SRL: variants seen among roughly 807,000 people sequenced by gnomAD.
The protein encoded by SRL is sarcalumenin.
In SRL, 23 loss-of-function variants were observed where a neutral mutation model predicts 39.5. The ratio of observed to expected loss-of-function variants is 0.58; its 90% CI spans 0.42 to 0.82. SRL has a LOEUF of 0.82. Ranked by LOEUF, SRL falls within the 40% of genes least tolerant of loss-of-function variation. The pLI is 0.00. For synonymous variants in SRL, 272 were observed against 237.4 expected (o/e 1.15, Z -1.34); for missense variants, 592 against 607.8 (o/e 0.97, Z 0.27).
At chr16:4,221,327 G>A (rs528124138) in intron 1 of SRL, among the ~76,000 whole-genome samples, 3 of 152,292 alleles carry the variant, frequency 2.0e-5, no homozygotes, top group South Asian at 4.1e-4. Flanking sequence ...GATTACAGAC[G>A]TGAGCCACTG....
rs551289684 is a variant in SRL, at chr16:4,227,642, G to A, written c.61+14365C>T. ...GTGGTGGCAAAATGGAAGACCTTCC[G>A]TCAACCCCACTTGCGTTCCAAGAGA... On this transcript the variant is annotated intron_variant, in intron 1 of 5. Transcript: ENST00000399609. Among the ~76,000 whole-genome samples, 40 of 152,264 alleles carry A rather than the reference G, an allele frequency of 2.6e-4. No homozygotes were observed. In the East Asian group the frequency reaches 6.4e-3, roughly 24 times the overall value.
chr16:4,216,390 G>GA (rs2052459919), intron 1 of SRL, among the ~76,000 whole-genome samples: 1 of 151,980 alleles, frequency 6.6e-6, no homozygotes, highest in African/African-American at 2.4e-5. Flanking sequence ...TCCTGCCTCA[G>GA]CCTCCTGAGT....
At chr16:4,208,394 G>C (rs889806) in intron 1 of SRL, among the ~76,000 whole-genome samples, 84,480 of 151,872 alleles carry the variant, frequency 0.56, 24,536 homozygotes, top group African/African-American at 0.71. Context: ...AACCGCCCCC[G>C]CACCGCGACC....
intron 1 of SRL, among the ~76,000 whole-genome samples, chr16:4,204,971 G>T (rs1229171800): frequency 1.3e-5 from 2 of 152,180 alleles, no homozygotes; most frequent in African/African-American, 4.8e-5. Flanking sequence ...GCCCAAAACA[G>T]GCACAACTCC....
At chr16:4,214,627 G>A (rs1191311383) in intron 1 of SRL, among the ~76,000 whole-genome samples, 3 of 152,158 alleles carry the variant, frequency 2.0e-5, no homozygotes, top group Non-Finnish European at 4.4e-5. Flanking sequence ...CAGGCAGCCT[G>A]CCCCCTTCCT....
At chr16:4,193,030 C>G (rs2052089990) in intron 5 of SRL, 66 bp from the exon 6 acceptor site, 1 of 1,365,078 alleles carries the variant, frequency 7.3e-7, no homozygotes, top group African/African-American at 1.4e-5. Flanking sequence ...CACCTCCTTT[C>G]AGAACTAAAC....
chr16:4,229,304 C>T (rs957897335), intron 1 of SRL, among the ~76,000 whole-genome samples: 5 of 151,896 alleles, frequency 3.3e-5, no homozygotes, highest in Non-Finnish European at 5.9e-5. Flanking sequence ...ATTAGCCAAG[C>T]GTGGTGGTGG....
At chr16:4,225,043 A>T (rs2040463344) in intron 1 of SRL, among the ~76,000 whole-genome samples, 3 of 152,194 alleles carry the variant, frequency 2.0e-5, no homozygotes, top group Admixed American at 2.0e-4. Context: ...AGAATAAGCA[A>T]ATCCATAGAC....
chr16:4,203,403 G>T, intron 2 of SRL, 142 bp from the exon 3 acceptor site: 1 of 646,922 alleles, frequency 1.5e-6, no homozygotes, highest in Non-Finnish European at 2.7e-6. Context: ...CAGCGACTGT[G>T]CAATGTATTT....
intron 1 of SRL, among the ~76,000 whole-genome samples, chr16:4,239,025 C>T (rs2052744170): frequency 6.6e-6 from 1 of 152,112 alleles, no homozygotes; most frequent in Non-Finnish European, 1.5e-5. Flanking sequence ...CCCGGCTGCA[C>T]CAAATGAGGA....
chr16:4,231,380 G>A (rs1017154497), intron 1 of SRL, among the ~76,000 whole-genome samples: 10 of 152,172 alleles, frequency 6.6e-5, no homozygotes, highest in Non-Finnish European at 1.5e-4. Context: ...GTGGTCCCAG[G>A]AAGATCAAAT....
intron 1 of SRL, chr16:4,206,582 G>A: frequency 2.4e-6 from 1 of 414,928 alleles, no homozygotes; most frequent in South Asian, 1.8e-5. Flanking sequence ...TGCACAGCCT[G>A]AAGCCACCTC....
Position 4,191,926 on chromosome 16 carries a change from C to G in SRL, c.*227G>C, listed in dbSNP as rs959155676. 2.1e-6 allele frequency: 1 copy of G among 475,636 alleles called. No homozygotes were observed. Among genetic ancestry groups the G allele is most frequent in the South Asian group, 4.9e-5 (1 of 20,434 alleles). 29.5% of individuals were successfully genotyped at this position (475,636 alleles called of 1,614,324 possible). On this transcript the variant is annotated 3_prime_UTR_variant, in exon 6 of 6. Coordinates refer to ENST00000399609, the MANE Select transcript of SRL (RefSeq NM_001098814.2). ...CAGGTGGAGGCTGACTTGCCTCAAT[C>G]AGGCCTCCTCATTGAAGCAACAAGA...
At chr16:4,196,814 G>T (rs1263630451) in intron 4 of SRL, among the ~76,000 whole-genome samples, 2 of 152,032 alleles carry the variant, frequency 1.3e-5, no homozygotes, top group Non-Finnish European at 2.9e-5. Flanking sequence ...GACAGTATTT[G>T]TCCTCTTGTG....
chr16:4,229,376 G>A (rs1048643501), intron 1 of SRL, among the ~76,000 whole-genome samples: 7 of 152,060 alleles, frequency 4.6e-5, no homozygotes, highest in African/African-American at 1.7e-4. Flanking sequence ...CATGAACCCA[G>A]GAGGCGGAGC....
At chr16:4,199,364 C>CTTTTTTTTTTTTTTTTTTTTT (rs71139622) in intron 3 of SRL, among the ~76,000 whole-genome samples, 1 of 84,604 alleles carries the variant, frequency 1.2e-5, no homozygotes, top group Non-Finnish European at 2.3e-5. Context: ...TATTCCCCAT[C>CTTTTTTTTTTTTTTTTTTTTT]TTTTTTTTTT....
intron 1 of SRL, among the ~76,000 whole-genome samples, chr16:4,216,768 G>A (rs2052465601): frequency 6.6e-6 from 1 of 152,188 alleles, no homozygotes; most frequent in African/African-American, 2.4e-5. Context: ...CCGAGCTGGG[G>A]AGGAAAGGGA....
At chr16:4,195,466 G>T in intron 5 of SRL, 87 bp downstream of exon 5, 1 of 1,316,358 alleles carries the variant, frequency 7.6e-7, no homozygotes, top group Non-Finnish European at 1.1e-6. Context: ...CCAAAGAGTT[G>T]GGATCACAGG....
rs560079937 is a variant in SRL, at chr16:4,210,948, TGAATCA to T, written c.62-6320_62-6315del. ...CTTTTAAGCCCCAGCCTGGACCCATTGAATCAGAATCTGCATTTTAACAAAATGGCC... is the reference window on the plus strand; with the variant it reads ...CTTTTAAGCCCCAGCCTGGACCCATTGAATCTGCATTTTAACAAAATGGCC... On this transcript the variant is annotated intron_variant, in intron 1 of 5. Transcript: ENST00000399609. Among the ~76,000 whole-genome samples the T allele has an allele frequency of 2.4e-4, 36 of 152,238 alleles. No individual in the cohort carries two copies. The East Asian group carries it at 7.0e-3, about 29-fold the overall frequency.
Sources: gnomAD v4.1 joint callset for allele counts (sites outside exome capture counted in the v4.1 genomes callset) on GRCh38, gnomAD v4.1.1 for gene constraint, MANE v1.5 for transcripts, NCBI Gene and HGNC (gene_info 2026-07-23, HGNC 2026-07-21) for gene names.